COL12A1: variants seen among roughly 807,000 people sequenced by gnomAD.
COL12A1 encodes the protein collagen alpha-1(XII) chain.
In COL12A1, 114 loss-of-function variants were observed where a neutral mutation model predicts 349.7. That is an observed-to-expected ratio of 0.33 (90% confidence interval 0.28 to 0.38). The LOEUF (loss-of-function observed/expected upper bound fraction) is 0.38, where lower values mean the gene tolerates loss of function less well. Ranked by LOEUF, COL12A1 falls within the 10% of genes least tolerant of loss-of-function variation. COL12A1 has a pLI of 1.00. For synonymous variants in COL12A1, 1,369 were observed against 1,329.0 expected, an observed-to-expected ratio of 1.03 and a Z score of -0.66; for missense variants, 3,284 against 3,756.9, an observed-to-expected ratio of 0.87 and a Z score of 3.29.
chr6:75,143,416 G>T (rs1354409845), intron 25 of COL12A1, 28 bp from the exon 26 acceptor site: 1 of 1,606,088 alleles, frequency 6.2e-7, no homozygotes, highest in Non-Finnish European at 8.5e-7. Context: ...ATTAAATCCA[G>T]ATGTGCTTCT....
chr6:75,176,967 C>T (rs1302876364), intron 12 of COL12A1, among the ~76,000 whole-genome samples: 2 of 152,110 alleles, frequency 1.3e-5, no homozygotes, highest in Non-Finnish European at 2.9e-5. Context: ...CTAATCATCC[C>T]ATTTAAAGAA....
At chr6:75,102,981 G>A (rs932665531) in intron 55 of COL12A1, among the ~76,000 whole-genome samples, 1 of 151,872 alleles carries the variant, frequency 6.6e-6, no homozygotes, top group African/African-American at 2.4e-5. Context: ...AATTTTCATA[G>A]ATTTATATGA....
rs9352199 is a variant in COL12A1 at position 75,174,295 on chromosome 6, G to C, written c.2710+743C>G. Among the ~76,000 whole-genome samples the C allele has an allele frequency of 5.5e-4, 83 of 152,150 alleles. 1 individual carries two copies. The highest frequency in any genetic ancestry group is 8.2e-4 in the Non-Finnish European group (56 of 68,006). ...ATTCTTGGCCAGGCGCGGTGGCTCA[G>C]GCCTGTAATCCCAGCATTTTGGTGG... On this transcript the variant is annotated intron_variant, in intron 13 of 65. Coordinates refer to ENST00000322507, the MANE Select transcript of COL12A1 (RefSeq NM_004370.6).
intron 11 of COL12A1, among the ~76,000 whole-genome samples, chr6:75,180,365 G>T (rs975974510): frequency 1.3e-5 from 2 of 152,066 alleles, no homozygotes; most frequent in African/African-American, 4.8e-5. Context: ...AGGAGGGAAT[G>T]GGGAGTTATT....
intron 36 of COL12A1, among the ~76,000 whole-genome samples, chr6:75,130,505 CAATA>C (rs1180367560): frequency 6.6e-6 from 1 of 152,008 alleles, no homozygotes; most frequent in African/African-American, 2.4e-5. Flanking sequence ...TATATCTATT[CAATA>C]AAACATAAAG....
intron 2 of COL12A1, among the ~76,000 whole-genome samples, chr6:75,197,483 TG>T (rs1186805894): frequency 2.0e-5 from 3 of 152,092 alleles, no homozygotes; most frequent in African/African-American, 7.2e-5. Flanking sequence ...TGGCTAATTT[TG>T]TATTTTTAGT....
intron 47 of COL12A1, among the ~76,000 whole-genome samples, chr6:75,116,644 C>T (rs1769096901): frequency 6.6e-6 from 1 of 152,078 alleles, no homozygotes; most frequent in Admixed American, 6.6e-5. Context: ...TCATAGTAAA[C>T]CAACAAAGTC....
At chr6:75,091,644 CAT>C (rs1767772295) in intron 60 of COL12A1, 119 bp from the exon 61 acceptor site, 1 of 919,940 alleles carries the variant, frequency 1.1e-6, no homozygotes, top group Non-Finnish European at 1.7e-6. Context: ...CAAAATGACA[CAT>C]CACATTTATA....
At chr6:75,128,988 C>A (rs1321127862) in intron 37 of COL12A1, among the ~76,000 whole-genome samples, 1 of 152,228 alleles carries the variant, frequency 6.6e-6, no homozygotes, top group Non-Finnish European at 1.5e-5. Context: ...AACCAGACAT[C>A]TCAATCTCTC....
intron 46 of COL12A1, 136 bp downstream of exon 46, chr6:75,118,907 G>T: frequency 1.8e-6 from 2 of 1,108,692 alleles, no homozygotes; most frequent in Non-Finnish European, 2.5e-6. Flanking sequence ...ATATAAACTA[G>T]CATTACGAAG....
chr6:75,099,141 T>C (rs1271201071), intron 58 of COL12A1, among the ~76,000 whole-genome samples: 1 of 152,236 alleles, frequency 6.6e-6, no homozygotes, highest in African/African-American at 2.4e-5. Context: ...TATCCACACT[T>C]TTTATTAGTA....
At chr6:75,125,430 C>G (rs1179268721) in intron 39 of COL12A1, among the ~76,000 whole-genome samples, 157 bp from the exon 40 acceptor site, 1 of 152,122 alleles carries the variant, frequency 6.6e-6, no homozygotes, top group Admixed American at 6.6e-5. Context: ...TGTTATATGA[C>G]AAATATGAAA....
rs1339619637 is a variant in COL12A1 at position 75,138,501 on chromosome 6, G to T, written c.5177C>A (p.Ala1726Asp). ...ACTTTCTGACTCATCAGGATAGATG[G>T]CAGTAATGGAAACTTCATAGATGGT... ...PNTIYEVSIT[A>D]IYPDESESDD... Residue 1726 changes from alanine to aspartate, a missense_variant, in exon 29 of 66, where the codon GCC becomes GAC. Ala to Asp is a moderately radical substitution (Grantham distance 126). This residue lies in a region of COL12A1 where 2,601 missense variants were observed against 2,824.8 expected (regional missense o/e 0.92). Transcript: ENST00000322507. 1 of 1,614,014 alleles carries T rather than the reference G, an allele frequency of 6.2e-7. No individual in the cohort carries two copies. Among genetic ancestry groups the T allele is most frequent in the Admixed American group, 1.7e-5 (1 of 60,026 alleles).
Position 75,130,848 on chromosome 6 carries a change from T to G in COL12A1, c.6067+4A>C. ...ATGGAATGGAGAAAGGATTTCTGCCTCACGCGTTCGGCCCTGGGCAGGGCT... is the reference window on the plus strand; with the variant it reads ...ATGGAATGGAGAAAGGATTTCTGCCGCACGCGTTCGGCCCTGGGCAGGGCT... On this transcript the variant is annotated splice_donor_region_variant and intron_variant, in intron 36 of 65. Coordinates refer to ENST00000322507, the MANE Select transcript of COL12A1 (RefSeq NM_004370.6). The G allele has an allele frequency of 6.2e-7, 1 of 1,613,976 alleles. No homozygotes were observed. Among genetic ancestry groups the G allele is most frequent in the Non-Finnish European group, 8.5e-7 (1 of 1,179,930 alleles).
At chr6:75,126,036 T>C (rs1307332083) in intron 39 of COL12A1, among the ~76,000 whole-genome samples, 1 of 152,112 alleles carries the variant, frequency 6.6e-6, no homozygotes, top group African/African-American at 2.4e-5. Flanking sequence ...ATAGGTATAT[T>C]GATGTAATAT....
At chr6:75,106,545 T>G (rs777087472) in intron 52 of COL12A1, 49 bp from the exon 53 acceptor site, 1 of 1,534,680 alleles carries the variant, frequency 6.5e-7, no homozygotes, top group Non-Finnish European at 9.0e-7. Flanking sequence ...GAAAAACATT[T>G]TATATTGGCA....
chr6:75,109,137 T>G lies in COL12A1; in HGVS notation c.7981A>C (p.Lys2661Gln), dbSNP rs1768709126. 1.2e-6 allele frequency: 2 copies of G among 1,600,858 alleles called. No homozygotes were observed. Among genetic ancestry groups the G allele is most frequent in the Non-Finnish European group, 1.7e-6 (2 of 1,170,322 alleles). Residue 2661 changes from lysine (K) to glutamine (Q), a missense_variant, in exon 52 of 66, where the codon AAG (lysine) becomes CAG (glutamine). Transcript: ENST00000322507. ...VHIVVTSKSV[K>Q]IYIDCYEIIE... is the part of the protein sequence containing the mutation. ...ATTTCATAGCAGTCAATGTAAATCT[T>G]AACACTTTTTGAGGTCACTACAATA...
chr6:75,138,453 C>A lies in COL12A1; in HGVS notation c.5225G>T (p.Arg1742Leu). ...TTTGAAAGCTAAACACCTACGTGTG[C>A]GCTCACTGCCAATCAGGTCATCACT... is the stretch of plus-strand genomic sequence containing the variant. ...SESDDLIGSE[R>L]TLPILTTQAP... Residue 1742 changes from arginine to leucine, a missense_variant, in exon 29 of 66, where the codon CGC becomes CTC. Coordinates refer to ENST00000322507, the MANE Select transcript of COL12A1 (RefSeq NM_004370.6). 2 of 1,613,088 alleles carry A rather than the reference C, an allele frequency of 1.2e-6. No individual in the cohort carries two copies. Among genetic ancestry groups the A allele is most frequent in the Non-Finnish European group, 1.7e-6 (2 of 1,179,662 alleles).
intron 3 of COL12A1, 24 bp downstream of exon 3, chr6:75,194,807 T>A: frequency 6.9e-7 from 1 of 1,457,408 alleles, no homozygotes; most frequent in Non-Finnish European, 9.5e-7. Context: ...GCTTCTGTCC[T>A]AAAACCCCAG....
Sources: allele counts gnomAD v4.1 joint callset (sites outside exome capture counted in the v4.1 genomes callset), GRCh38; gene constraint gnomAD v4.1.1; regional missense constraint gnomAD v4.1.1; transcripts MANE v1.5; gene names NCBI Gene and HGNC (gene_info 2026-07-23, HGNC 2026-07-21).